DNAH6: variants seen among roughly 807,000 people sequenced by gnomAD.
The protein encoded by DNAH6 is axonemal beta dynein heavy chain 6.
A neutral mutation model predicts 491.4 loss-of-function variants in DNAH6; 340 were observed. The ratio of observed to expected loss-of-function variants is 0.69; its 90% CI spans 0.63 to 0.76. The LOEUF (loss-of-function observed/expected upper bound fraction) is 0.76. DNAH6 is among the 30% of genes least tolerant of loss of function. DNAH6 has a pLI of 0.00. For missense variants in DNAH6, 4,443 were observed against 4,972.2 expected (o/e 0.89, Z 3.20); for synonymous variants, 1,603 against 1,686.1 (o/e 0.95, Z 1.21).
chr2:84,634,162 A>G (rs546464040), intron 29 of DNAH6, among the ~76,000 whole-genome samples: 4 of 152,192 alleles, frequency 2.6e-5, no homozygotes, highest in Non-Finnish European at 5.9e-5. Flanking sequence ...AAATTTTTCA[A>G]GTTTTTTTAA....
chr2:84,587,858 C>T (rs1683723352), intron 15 of DNAH6, among the ~76,000 whole-genome samples: 1 of 152,188 alleles, frequency 6.6e-6, no homozygotes, highest in South Asian at 2.1e-4. Context: ...TGGGCCATAG[C>T]AGCGTCCAGT....
In DNAH6 at chr2:84,695,419, A is replaced by T. The variant is rs115554046; in HGVS notation, c.7524+939A>T. Among the ~76,000 whole-genome samples, 5 of 152,268 alleles carry T rather than the reference A, an allele frequency of 3.3e-5. No individual in the cohort carries two copies. In the East Asian group the frequency reaches 7.7e-4, roughly 23 times the overall value. On this transcript the variant is annotated intron_variant, in intron 46 of 76. Coordinates refer to ENST00000389394, the MANE Select transcript of DNAH6 (RefSeq NM_001370.2). ...ATTCTTCACTGGGAGATTATAAATTAGCAAAATCTTTCTGGAAGGTAGTTG... is the reference window on the plus strand; with the variant it reads ...ATTCTTCACTGGGAGATTATAAATTTGCAAAATCTTTCTGGAAGGTAGTTG...
chr2:84,480,598 C>T, the DNAH6 span, among the ~76,000 whole-genome samples: 14 of 152,302 alleles, frequency 9.2e-5, no homozygotes, highest in African/African-American at 3.1e-4. Context: ...CAGATGTAGA[C>T]CATTATTTTC....
intron 64 of DNAH6, among the ~76,000 whole-genome samples, chr2:84,768,985 A>C (rs1462921482): frequency 1.3e-5 from 2 of 152,208 alleles, no homozygotes; most frequent in Non-Finnish European, 2.9e-5. Flanking sequence ...GGCCAGTGTG[A>C]CTCAGTGAGT....
chr2:84,473,687 T>TA, the DNAH6 span, among the ~76,000 whole-genome samples: 4 of 152,248 alleles, frequency 2.6e-5, no homozygotes, highest in African/African-American at 9.6e-5. Context: ...GGAAATCATT[T>TA]AAGGTTTCTA....
intron 33 of DNAH6, among the ~76,000 whole-genome samples, chr2:84,645,757 C>A (rs1689836116): frequency 6.6e-6 from 1 of 152,142 alleles, no homozygotes; most frequent in Admixed American, 6.5e-5. Context: ...GTAAAACTCA[C>A]AAAAGATGTG....
intron 76 of DNAH6, 145 bp downstream of exon 76, chr2:84,816,228 C>T (rs980636661): frequency 4.1e-5 from 24 of 583,994 alleles, no homozygotes; most frequent in Non-Finnish European, 4.7e-5. Flanking sequence ...ATACAAAATT[C>T]GTAAATGTAA....
At chr2:84,784,939 G>C (rs1677036146) in intron 66 of DNAH6, 129 bp downstream of exon 66, 2 of 647,784 alleles carry the variant, frequency 3.1e-6, no homozygotes, top group Non-Finnish European at 2.7e-6. Context: ...GGGAGGTGAA[G>C]TCAGTATCTT....
chr2:84,787,164 G>T lies in DNAH6; in HGVS notation c.11101G>T (p.Glu3701Ter). Residue 3701 changes from glutamate to a stop codon, truncating the protein, a stop_gained and splice_region_variant, in exon 68 of 77, where the codon GAG (glutamate) becomes TAG (stop). Transcript: ENST00000389394. LOFTEE classifies it high-confidence loss of function. ...AGATCATTTTCATTTTTCATTTTAGGAGAGAAAGAAGTTTGGCCCCCTTGG... is the reference window on the plus strand; with the variant it reads ...AGATCATTTTCATTTTTCATTTTAGTAGAGAAAGAAGTTTGGCCCCCTTGG... The part of the protein sequence containing the change: ...GICFFHAIIQ[E>*]RKKFGPLGWN... 6.7e-7 allele frequency: 1 copy of T among 1,490,460 alleles called. No homozygotes were observed. The highest frequency in any genetic ancestry group is 8.9e-7 in the Non-Finnish European group (1 of 1,117,956). 92.3% of individuals were successfully genotyped at this position (1,490,460 alleles called of 1,614,324 possible). A position where few individuals can be genotyped will look rare whatever the true frequency, so the allele number is the denominator to read the frequency against.
In DNAH6 at chr2:84,588,857, A is replaced by G. The variant is rs1168325863; in HGVS notation, c.2513A>G (p.Gln838Arg). 6.5e-7 allele frequency: 1 copy of G among 1,550,236 alleles called. No homozygotes were observed. The highest frequency in any genetic ancestry group is 2.0e-5 in the Admixed American group (1 of 50,758). Residue 838 changes from glutamine (Q) to arginine (R), a missense_variant, in exon 16 of 77, where the codon CAA (glutamine) becomes CGA (arginine). Around this residue, in one of 3 missense-constraint regions of DNAH6, gnomAD observed 2,977 missense variants for 3,296.6 expected, o/e 0.90. Coordinates refer to ENST00000389394, the MANE Select transcript of DNAH6 (RefSeq NM_001370.2). ...CAGATTTTAGATATCTCTGCTGACC[A>G]AGACAAAATAAGGCTCATATTGAAT... ...DPQILDISAD[Q>R]DKIRLILNNL...
rs1368658953 is a variant in DNAH6, at chr2:84,605,462, C to A, written c.3082-38C>A. 3.6e-6 allele frequency: 5 copies of A among 1,387,140 alleles called. No homozygotes were observed. In the South Asian group the frequency reaches 6.2e-5, roughly 17 times the overall value. The allele number at this position is 1,387,140 out of a possible 1,614,324, so 85.9% of individuals were successfully genotyped here. A position where few individuals can be genotyped will look rare whatever the true frequency, so the allele number is the denominator to read the frequency against. ...TGCATTTATTGAGTATCTAAACACA[C>A]TGAATTTAGATATCCTAAGGCTTGA... On this transcript the variant is annotated intron_variant, in intron 19 of 76. Coordinates refer to ENST00000389394, the MANE Select transcript of DNAH6 (RefSeq NM_001370.2).
the DNAH6 span, among the ~76,000 whole-genome samples, chr2:84,492,571 C>T: frequency 6.6e-6 from 1 of 151,830 alleles, no homozygotes; most frequent in African/African-American, 2.4e-5. Flanking sequence ...GTTTCTTTTC[C>T]CATTCTTCTA....
the DNAH6 span, among the ~76,000 whole-genome samples, chr2:84,461,314 G>A: frequency 1.1e-4 from 16 of 152,066 alleles, no homozygotes; most frequent in African/African-American, 3.1e-4. Context: ...CCCTGTAATC[G>A]GTTGCAGAAA....
At chr2:84,566,848 T>A (rs1294995032) in intron 11 of DNAH6, among the ~76,000 whole-genome samples, 1 of 152,060 alleles carries the variant, frequency 6.6e-6, no homozygotes, top group African/African-American at 2.4e-5. Context: ...TAGAAATGTA[T>A]AAAATATATA....
intron 52 of DNAH6, 29 bp downstream of exon 52, chr2:84,705,776 A>G: frequency 2.6e-6 from 4 of 1,527,230 alleles, no homozygotes; most frequent in Non-Finnish European, 2.6e-6. Flanking sequence ...GATATTTTAT[A>G]GAATTGAAGG....
the DNAH6 span, among the ~76,000 whole-genome samples, chr2:84,460,926 A>G: frequency 2.0e-5 from 3 of 152,222 alleles, no homozygotes; most frequent in South Asian, 4.1e-4. Flanking sequence ...GCCTTGAAGC[A>G]TGACAAATTA....
At chr2:84,713,718 T>A (rs1222614833) in intron 57 of DNAH6, among the ~76,000 whole-genome samples, 1 of 152,098 alleles carries the variant, frequency 6.6e-6, no homozygotes, top group Non-Finnish European at 1.5e-5. Context: ...GAGGAGGAGA[T>A]GTCATTACTT....
intron 33 of DNAH6, among the ~76,000 whole-genome samples, chr2:84,652,747 T>A (rs1256179444): frequency 1.3e-5 from 2 of 152,066 alleles, no homozygotes; most frequent in Admixed American, 1.3e-4. Flanking sequence ...AGCTTCTTTT[T>A]TCCCATTGAA....
chr2:84,659,710 A>G (rs374424765), intron 37 of DNAH6, among the ~76,000 whole-genome samples: 1 of 152,206 alleles, frequency 6.6e-6, no homozygotes, highest in South Asian at 2.1e-4. Context: ...TTGCCTGGGC[A>G]CATGGCTTAC....
Sources: allele counts gnomAD v4.1 joint callset (sites outside exome capture counted in the v4.1 genomes callset), GRCh38; gene constraint gnomAD v4.1.1; regional missense constraint gnomAD v4.1.1; transcripts MANE v1.5; gene names NCBI Gene and HGNC (gene_info 2026-07-23, HGNC 2026-07-21).